The following HK1 variants were observed in gnomAD, a reference collection of about 807,000 sequenced individuals.
The protein encoded by HK1 is hexokinase-1.
HK1 carries 28 observed loss-of-function variants against 91.6 expected under a neutral mutation model. The observed-to-expected ratio is 0.31, with a 90% CI of 0.23 to 0.42. The LOEUF is 0.42. Among genes scored for constraint, HK1 ranks in the 10% least tolerant of loss-of-function variants. HK1 has a pLI of 1.00. For missense variants in HK1, 770 were observed against 1,219.8 expected (o/e 0.63, Z 5.49); for synonymous variants, 430 against 468.1 (o/e 0.92, Z 1.05).
At chr10:69,344,445 T>C (rs1848446840) in intron 2 of HK1, among the ~76,000 whole-genome samples, 1 of 152,184 alleles carries the variant, frequency 6.6e-6, no homozygotes, top group African/African-American at 2.4e-5. Context: ...TCCCAGATAA[T>C]AGCAATCCTA....
intron 1 of HK1, among the ~76,000 whole-genome samples, chr10:69,340,339 T>G (rs1848226263): frequency 6.6e-6 from 1 of 152,220 alleles, no homozygotes; most frequent in Admixed American, 6.5e-5. Context: ...CTTCTCTACC[T>G]CCTGGGTTCA....
chr10:69,394,084 A>G (rs542137993), intron 15 of HK1, among the ~76,000 whole-genome samples: 68 of 152,352 alleles, frequency 4.5e-4, no homozygotes, highest in Non-Finnish European at 6.9e-4. Flanking sequence ...ATGTTCTTCC[A>G]TGGACCACAT....
At chr10:69,386,830 A>G (rs1839658793) in intron 13 of HK1, 2 of 155,982 alleles carry the variant, frequency 1.3e-5, no homozygotes, top group Non-Finnish European at 2.8e-5. Flanking sequence ...TTCTAACAAT[A>G]CAGAAGTATG....
intron 2 of HK1, among the ~76,000 whole-genome samples, chr10:69,345,736 G>T (rs936917174): frequency 2.0e-5 from 3 of 152,256 alleles, no homozygotes; most frequent in Non-Finnish European, 2.9e-5. Flanking sequence ...CTGTGTCCCA[G>T]GGACCTATGT....
chr10:69,319,178 G>A (rs1846858024), intron 1 of HK1, 168 bp downstream of exon 1: 8 of 820,758 alleles, frequency 9.7e-6, no homozygotes, highest in East Asian at 8.0e-5. Context: ...TACCGGCATT[G>A]TCAGTGTCTC....
chr10:69,362,801 G>A (rs1243712270), intron 3 of HK1, among the ~76,000 whole-genome samples: 1 of 152,218 alleles, frequency 6.6e-6, no homozygotes, highest in South Asian at 2.1e-4. Context: ...TTAGTAATGA[G>A]TTTATATCAG....
At chr10:69,355,068 C>CAAAAAAA (rs775908068) in intron 2 of HK1, among the ~76,000 whole-genome samples, 1 of 85,254 alleles carries the variant, frequency 1.2e-5, no homozygotes, top group Non-Finnish European at 2.3e-5. Context: ...GACTCCCTCT[C>CAAAAAAA]AAAAAAAAAA....
In HK1 at chr10:69,318,872, G is replaced by A. The variant is rs1441010188; in HGVS notation, c.-76G>A. 3 of 1,514,778 alleles carry A rather than the reference G, an allele frequency of 2.0e-6. No individual in the cohort carries two copies. The highest frequency in any genetic ancestry group is 2.6e-6 in the Non-Finnish European group (3 of 1,132,928). The allele number at this position is 1,514,778 out of a possible 1,614,324, so 93.8% of individuals were successfully genotyped here. ...GAGGAGGAGCCGCCGAGCAGCCGCC[G>A]GAGGACCACGGCTCGCCAGGGCTGC... On this transcript the variant is annotated 5_prime_UTR_variant, in exon 1 of 18. Transcript: ENST00000359426.
At chr10:69,323,345 A>C (rs1399626363) in intron 1 of HK1, among the ~76,000 whole-genome samples, 1 of 151,922 alleles carries the variant, frequency 6.6e-6, no homozygotes, top group Non-Finnish European at 1.5e-5. Context: ...AACAAAATTA[A>C]ACCTCATCTT....
At chr10:69,362,819 T>C (rs929933386) in intron 3 of HK1, among the ~76,000 whole-genome samples, 2 of 152,162 alleles carry the variant, frequency 1.3e-5, no homozygotes, top group African/African-American at 4.8e-5. Flanking sequence ...CAGTCTGCAA[T>C]GTAGGTCGCA....
intron 1 of HK1, among the ~76,000 whole-genome samples, chr10:69,270,595 AAAGG>A (rs1844109168): frequency 6.6e-6 from 1 of 152,080 alleles, no homozygotes; most frequent in South Asian, 2.1e-4. Flanking sequence ...GAAAAAAAAA[AAAGG>A]AAGAGAGAGC....
intron 16 of HK1, among the ~76,000 whole-genome samples, chr10:69,395,606 TC>T (rs1315544368): frequency 6.6e-6 from 1 of 152,190 alleles, no homozygotes; most frequent in East Asian, 1.9e-4. Context: ...TTACTTACTT[TC>T]CTTTTATCCA....
upstream of HK1, among the ~76,000 whole-genome samples, chr10:69,311,056 C>CAAAA (rs35246952): frequency 7.5e-6 from 1 of 133,800 alleles, no homozygotes; most frequent in African/African-American, 2.7e-5. Flanking sequence ...GACTCCGTCT[C>CAAAA]AAAAAAAAAA....
chr10:69,370,448 A>G (rs139858329), intron 7 of HK1, among the ~76,000 whole-genome samples: 297 of 152,336 alleles, frequency 1.9e-3, no homozygotes, highest in African/African-American at 7.0e-3. Flanking sequence ...TTTAAAAAAT[A>G]TCTCTATGCT....
At chr10:69,400,954 TTCC>T in intron 17 of HK1, 34 bp from the exon 18 acceptor site, 1 of 1,613,732 alleles carries the variant, frequency 6.2e-7, no homozygotes, top group Non-Finnish European at 8.5e-7. Context: ...GTCTCTCATC[TTCC>T]TCCAACTACC....
intron 1 of HK1, among the ~76,000 whole-genome samples, chr10:69,319,428 G>T (rs1362579806): frequency 1.3e-5 from 2 of 152,368 alleles, no homozygotes; most frequent in East Asian, 3.9e-4. Flanking sequence ...GCTGGCTGGA[G>T]GCCAGGCCTC....
At chr10:69,396,564 T>C (rs1040193843) in intron 16 of HK1, among the ~76,000 whole-genome samples, 1 of 142,836 alleles carries the variant, frequency 7.0e-6, no homozygotes, top group Non-Finnish European at 1.5e-5. Context: ...TTGACAACTC[T>C]GGATACTTCA....
chr10:69,364,023 C>T (rs11599150), intron 3 of HK1, among the ~76,000 whole-genome samples: 7,030 of 152,290 alleles, frequency 0.046, 196 homozygotes, highest in African/African-American at 0.061. Context: ...AGAGCACACA[C>T]GGTCTCATTT....
chr10:69,380,983 A>C lies in HK1; in HGVS notation c.1265+888A>C, dbSNP rs7902486. On this transcript the variant is annotated intron_variant, in intron 9 of 17. Coordinates refer to ENST00000359426, the MANE Select transcript of HK1 (RefSeq NM_000188.3). The surrounding 1 kb of genome is among the most constrained non-coding windows in gnomAD (Gnocchi z 4.0). ...TGCACCTTCACACCCAGTTCTGTTG[A>C]TGGCTCAAAGAATGTCGACTTCAAT... 0.062 allele frequency among the ~76,000 whole-genome samples: 9,384 copies of C among 152,238 alleles called. 310 individuals carry two copies. The highest frequency in any genetic ancestry group is 0.12 in the Middle Eastern group (35 of 294).
Sources: gnomAD v4.1 joint callset for allele counts (sites outside exome capture counted in the v4.1 genomes callset) on GRCh38, gnomAD v4.1.1 for gene constraint, Gnocchi (gnomAD v3.1) non-coding constraint, MANE v1.5 for transcripts, NCBI Gene and HGNC (gene_info 2026-07-23, HGNC 2026-07-21) for gene names.